The following ARSG variants were observed in gnomAD, a reference collection of about 807,000 sequenced individuals.
The protein encoded by ARSG is ASG.
ARSG carries 37 observed loss-of-function variants against 50.5 expected under a neutral mutation model. The observed-to-expected ratio is 0.73, with a 90% CI of 0.56 to 0.96. The LOEUF is 0.96. Among genes scored for constraint, ARSG ranks in the 50% least tolerant of loss-of-function variants. The pLI is 0.00. For synonymous variants in ARSG, 225 were observed against 254.6 expected, an observed-to-expected ratio of 0.88 and a Z score of 1.11; for missense variants, 629 against 675.3, an observed-to-expected ratio of 0.93 and a Z score of 0.76.
At chr17:68,280,903 T>C (rs1402197092) in intron 1 of ARSG, among the ~76,000 whole-genome samples, 1 of 152,026 alleles carries the variant, frequency 6.6e-6, no homozygotes, top group African/African-American at 2.4e-5. Context: ...GGTGGGTGGA[T>C]TACCTGAGCT....
rs144846341 is a variant in ARSG at position 68,356,797 on chromosome 17, C to T, written c.697C>T (p.Arg233Cys). Residue 233 changes from arginine (R) to cysteine (C), a missense_variant, in exon 6 of 12, where the codon CGT becomes TGT. Arg to Cys is a radical substitution (Grantham distance 180). Transcript: ENST00000621439. The stretch of plus-strand genomic sequence containing the variant: ...TGAGAAAGCAACCCAGTTCATCCAG[C>T]GTGCAAGGTGAGGAGTCTCCCTCCC... ...YAEKATQFIQ[R>C]ASTSGRPFLL... 37 of 1,614,144 alleles carry T rather than the reference C, an allele frequency of 2.3e-5. No homozygotes were observed. The African/African-American group carries it at 2.9e-4, about 13-fold the overall frequency.
the ARSG span, among the ~76,000 whole-genome samples, chr17:68,443,136 A>G: frequency 6.6e-6 from 1 of 152,070 alleles, no homozygotes; most frequent in Non-Finnish European, 1.5e-5. Context: ...TTTGAGACAG[A>G]GTCTCGATCT....
chr17:68,435,773 T>TC, the ARSG span: 1 of 1,450,238 alleles, frequency 6.9e-7, no homozygotes, highest in Non-Finnish European at 9.7e-7. Flanking sequence ...GGATTTCACC[T>TC]CCCTCCCCTT....
chr17:68,426,251 G>GGGGGGGGA, downstream of ARSG: 3 of 825,460 alleles, frequency 3.6e-6, 1 homozygote, highest in Non-Finnish European at 5.8e-6. Context: ...GTGGGGAGCG[G>GGGGGGGGA]GGGCTCAAAT....
chr17:68,413,174 TC>T (rs1326263418), intron 11 of ARSG, among the ~76,000 whole-genome samples: 9 of 152,204 alleles, frequency 5.9e-5, no homozygotes, highest in African/African-American at 2.2e-4. Flanking sequence ...GGAACTGCGT[TC>T]CTTTGGAGGA....
At chr17:68,293,447 C>G (rs1265718230) in intron 1 of ARSG, among the ~76,000 whole-genome samples, 2 of 151,990 alleles carry the variant, frequency 1.3e-5, no homozygotes, top group Non-Finnish European at 2.9e-5. Context: ...AAAATCACAT[C>G]TGAATGTTTG....
intron 6 of ARSG, among the ~76,000 whole-genome samples, chr17:68,364,887 G>A (rs932671541): frequency 6.6e-5 from 10 of 152,170 alleles, no homozygotes; most frequent in African/African-American, 2.4e-4. Context: ...ATGCCCCCAA[G>A]GGACTAGTCT....
At chr17:68,408,559 A>G (rs2081853956) in intron 11 of ARSG, among the ~76,000 whole-genome samples, 1 of 151,964 alleles carries the variant, frequency 6.6e-6, no homozygotes, top group Non-Finnish European at 1.5e-5. Context: ...AGTCTTTGCT[A>G]TTGTGAATAA....
the ARSG span, among the ~76,000 whole-genome samples, chr17:68,438,220 C>G: frequency 6.6e-6 from 1 of 150,880 alleles, no homozygotes; most frequent in Admixed American, 6.6e-5. Flanking sequence ...GGCTGAGCCC[C>G]GGAACCTTTA....
chr17:68,344,856 C>T (rs1470202276), intron 3 of ARSG, among the ~76,000 whole-genome samples: 1 of 152,204 alleles, frequency 6.6e-6, no homozygotes, highest in Non-Finnish European at 1.5e-5. Context: ...GTGTCTGAAC[C>T]GTGTGAACCT....
At chr17:68,428,846 GAC>G in the ARSG span, 1 of 1,613,736 alleles carries the variant, frequency 6.2e-7, no homozygotes, top group South Asian at 1.1e-5. Context: ...TTTTGATTAA[GAC>G]ACACTCTCCT....
intron 4 of ARSG, among the ~76,000 whole-genome samples, chr17:68,350,089 A>G (rs943323406): frequency 6.6e-6 from 1 of 152,120 alleles, no homozygotes; most frequent in Admixed American, 6.5e-5. Flanking sequence ...GAGCAGGGAA[A>G]TTCTGTAGGA....
intron 8 of ARSG, among the ~76,000 whole-genome samples, chr17:68,376,862 CT>C (rs10642908): frequency 0.026 from 3,657 of 142,008 alleles, 130 homozygotes; most frequent in African/African-American, 0.083. Flanking sequence ...CCTCAGTCAT[CT>C]TTTTTTTTTT....
intron 3 of ARSG, among the ~76,000 whole-genome samples, chr17:68,345,810 A>G (rs1271437272): frequency 6.6e-6 from 1 of 152,186 alleles, no homozygotes; most frequent in East Asian, 1.9e-4. Context: ...TAATTTTAAT[A>G]TAATGTCATG....
At chr17:68,342,650 G>A (rs180671507) in intron 2 of ARSG, among the ~76,000 whole-genome samples, 39 of 152,204 alleles carry the variant, frequency 2.6e-4, no homozygotes, top group Middle Eastern at 3.4e-3. Context: ...GTGAGCCACC[G>A]CACCTGGTCC....
intron 1 of ARSG, chr17:68,278,033 GC>G: frequency 8.3e-7 from 1 of 1,208,162 alleles, no homozygotes; most frequent in Non-Finnish European, 1.2e-6. Context: ...TACCAAGGTA[GC>G]CAAATTAAAA....
intron 6 of ARSG, among the ~76,000 whole-genome samples, chr17:68,365,840 G>A (rs2079520506): frequency 6.6e-6 from 1 of 152,206 alleles, no homozygotes; most frequent in South Asian, 2.1e-4. Context: ...TACAATAGAT[G>A]TAAATAACCC....
chr17:68,404,603 T>C (rs2081625586), intron 11 of ARSG, among the ~76,000 whole-genome samples: 1 of 152,232 alleles, frequency 6.6e-6, no homozygotes, highest in Non-Finnish European at 1.5e-5. Context: ...TGTCTATAAT[T>C]TTCCTTTCTT....
At position 68,347,191 on chromosome 17, in the gene ARSG, A is replaced by T. The variant is rs1456483555; in HGVS notation, c.454+19A>T. On this transcript the variant is annotated intron_variant, in intron 4 of 11. Transcript: ENST00000621439. ...TTCCGTGGTAAGAATTCTTTTGGGG[A>T]TTTGTTACCTGGGAAACAGAAAATA... 6.2e-7 allele frequency: 1 copy of T among 1,611,766 alleles called. No individual in the cohort carries two copies. Among genetic ancestry groups the T allele is most frequent in the African/African-American group, 1.3e-5 (1 of 74,864 alleles).
Sources: allele counts gnomAD v4.1 joint callset (sites outside exome capture counted in the v4.1 genomes callset), GRCh38; gene constraint gnomAD v4.1.1; transcripts MANE v1.5; gene names NCBI Gene and HGNC (gene_info 2026-07-23, HGNC 2026-07-21).